Variants in RAB3C observed in about 807,000 individuals in gnomAD.
RAB3C encodes RAB3C, member RAS oncogene family, also known as ras-related protein Rab-3C.
Under a neutral mutation model 26.4 loss-of-function variants are expected in RAB3C, and 17 were observed. The observed-to-expected ratio is 0.64, with a 90% CI of 0.44 to 0.97. RAB3C has a LOEUF of 0.97. Ranked by LOEUF, RAB3C falls within the 50% of genes least tolerant of loss-of-function variation. The probability of loss-of-function intolerance (pLI) is 0.00; values close to 1 mark genes in which losing one functional copy is unlikely to be tolerated. For synonymous variants in RAB3C, 91 were observed against 95.9 expected, an observed-to-expected ratio of 0.95 and a Z score of 0.30; for missense variants, 242 against 281.9, an observed-to-expected ratio of 0.86 and a Z score of 1.01.
chr5:58,592,690 A>C (rs1386211310), intron 1 of RAB3C, among the ~76,000 whole-genome samples: 2 of 152,130 alleles, frequency 1.3e-5, no homozygotes, highest in Non-Finnish European at 2.9e-5. Flanking sequence ...GCCTGCATAT[A>C]AAATTTCTTG....
intron 4 of RAB3C, among the ~76,000 whole-genome samples, chr5:58,837,490 GTCT>G (rs75435781): frequency 0.061 from 8,905 of 146,260 alleles, 350 homozygotes; most frequent in East Asian, 0.14. Context: ...CCATTTTTAT[GTCT>G]TCTTTTGAGA....
At chr5:58,773,297 A>C (rs1364661148) in intron 3 of RAB3C, among the ~76,000 whole-genome samples, 3 of 152,108 alleles carry the variant, frequency 2.0e-5, no homozygotes, top group African/African-American at 7.2e-5. Context: ...CATACACAGA[A>C]AGAGGTGCAA....
chr5:58,838,935 C>G (rs533245142), intron 4 of RAB3C, among the ~76,000 whole-genome samples: 11 of 151,842 alleles, frequency 7.2e-5, no homozygotes, highest in Non-Finnish European at 1.3e-4. Flanking sequence ...CTGACTCAAT[C>G]TTTTTATTAT....
At chr5:58,693,340 A>ATG (rs1182895406) in intron 2 of RAB3C, among the ~76,000 whole-genome samples, 28 of 73,076 alleles carry the variant, frequency 3.8e-4, no homozygotes, top group South Asian at 1.7e-3. Context: ...ATATGTGTAT[A>ATG]TATATATATA....
intron 1 of RAB3C, among the ~76,000 whole-genome samples, chr5:58,601,049 T>G (rs1746442874): frequency 6.6e-6 from 1 of 152,114 alleles, no homozygotes; most frequent in South Asian, 2.1e-4. Context: ...AAGTTTTAAT[T>G]ATAAAGGGAT....
rs1744252806 is a variant in RAB3C at position 58,856,084 on chromosome 5, C to G, written c.*4733C>G. On this transcript the variant is annotated 3_prime_UTR_variant, in exon 5 of 5. Coordinates refer to ENST00000282878, the MANE Select transcript of RAB3C (RefSeq NM_138453.4). The stretch of plus-strand genomic sequence containing the variant: ...CCTGTACAAAGGTATCAGGCAAACA[C>G]TGATACTTTTTTTTAAGAAGGCAAA... The G allele has an allele frequency of 6.6e-6, 1 of 152,076 alleles. No homozygotes were observed. The highest frequency in any genetic ancestry group is 2.4e-5 in the African/African-American group (1 of 41,398). The allele number at this position is 152,076 out of a possible 1,614,324, so 9.4% of individuals were successfully genotyped here.
intron 3 of RAB3C, among the ~76,000 whole-genome samples, chr5:58,802,693 A>G (rs997919459): frequency 3.3e-5 from 5 of 152,226 alleles, no homozygotes; most frequent in African/African-American, 9.6e-5. Flanking sequence ...GTGAGATCAC[A>G]TAAGGGTATG....
At chr5:58,610,591 T>C (rs1270618292) in intron 1 of RAB3C, among the ~76,000 whole-genome samples, 1 of 152,136 alleles carries the variant, frequency 6.6e-6, no homozygotes, top group African/African-American at 2.4e-5. Context: ...TATGTGTTTC[T>C]GCACTTCCAA....
intron 3 of RAB3C, among the ~76,000 whole-genome samples, chr5:58,818,131 G>A (rs1468345948): frequency 6.6e-6 from 1 of 152,070 alleles, no homozygotes; most frequent in African/African-American, 2.4e-5. Flanking sequence ...TGCATTTTGT[G>A]GACTGTTTTT....
chr5:58,813,778 A>AGATATTATTT (rs1219846087), intron 3 of RAB3C, among the ~76,000 whole-genome samples: 2 of 151,980 alleles, frequency 1.3e-5, no homozygotes, highest in African/African-American at 4.8e-5. Context: ...ATATTCAGTG[A>AGATATTATTT]ATGCACACAT....
At chr5:58,776,617 C>T (rs990369752) in intron 3 of RAB3C, among the ~76,000 whole-genome samples, 13 of 152,052 alleles carry the variant, frequency 8.5e-5, no homozygotes, top group African/African-American at 9.7e-5. Context: ...TACCACTCCC[C>T]TTTTTTCTCT....
chr5:58,629,577 C>T (rs1206196664), intron 2 of RAB3C, among the ~76,000 whole-genome samples: 1 of 152,106 alleles, frequency 6.6e-6, no homozygotes. Context: ...AAGGGATCAG[C>T]CACCATCACT....
chr5:58,812,360 A>C (rs1247793021), intron 3 of RAB3C, among the ~76,000 whole-genome samples: 2 of 152,076 alleles, frequency 1.3e-5, no homozygotes, highest in African/African-American at 4.8e-5. Flanking sequence ...GAAAAGCAGG[A>C]TCTCAGGCCC....
chr5:58,603,938 G>C (rs1456420739), intron 1 of RAB3C, among the ~76,000 whole-genome samples: 1 of 152,208 alleles, frequency 6.6e-6, no homozygotes, highest in Non-Finnish European at 1.5e-5. Flanking sequence ...GGTAGGCTCT[G>C]TCAGAGGGAA....
chr5:58,705,218 A>G (rs1241208799), intron 2 of RAB3C, among the ~76,000 whole-genome samples: 3 of 152,158 alleles, frequency 2.0e-5, no homozygotes, highest in African/African-American at 7.2e-5. Flanking sequence ...ATAAACAACT[A>G]GTAGAATAAC....
At chr5:58,745,076 C>T (rs1236578604) in intron 3 of RAB3C, among the ~76,000 whole-genome samples, 3 of 152,054 alleles carry the variant, frequency 2.0e-5, no homozygotes, top group Admixed American at 6.5e-5. Context: ...ATTTTTAAAG[C>T]CCCCATTCCC....
In RAB3C at chr5:58,768,619, A is replaced by G. The variant is rs574383411; in HGVS notation, c.371+42499A>G. ...AGCAGAGACCTGAATGATGAGAAGG[A>G]GGGTGCCATATGAAAGAGGGGATCA... On this transcript the variant is annotated intron_variant, in intron 3 of 4. Transcript: ENST00000282878. 4.6e-5 allele frequency among the ~76,000 whole-genome samples: 7 copies of G among 152,170 alleles called. No homozygotes were observed. In the South Asian group the frequency reaches 1.5e-3, roughly 32 times the overall value.
Position 58,629,071 on chromosome 5 carries a change from ATTAT to A in RAB3C, c.252+11209_252+11212del, listed in dbSNP as rs1747130987. On this transcript the variant is annotated intron_variant, in intron 2 of 4. Coordinates refer to ENST00000282878, the MANE Select transcript of RAB3C (RefSeq NM_138453.4). ...AAAAAAAAAAGGTGAAATTTATTTA[ATTAT>A]TTATTTAATTTTTAAAAACACTTGA... Among the ~76,000 whole-genome samples the A allele has an allele frequency of 3.3e-5, 5 of 149,316 alleles. No individual in the cohort carries two copies. The South Asian group carries it at 8.5e-4, about 25-fold the overall frequency.
chr5:58,746,448 G>A (rs1741406113), intron 3 of RAB3C, among the ~76,000 whole-genome samples: 1 of 152,124 alleles, frequency 6.6e-6, no homozygotes, highest in Non-Finnish European at 1.5e-5. Flanking sequence ...TAACGGAGAG[G>A]GTCTTGCACA....
Sources: allele counts gnomAD v4.1 joint callset (sites outside exome capture counted in the v4.1 genomes callset), GRCh38; gene constraint gnomAD v4.1.1; transcripts MANE v1.5; gene names NCBI Gene and HGNC (gene_info 2026-07-23, HGNC 2026-07-21).